The following CACNA2D3 variants were observed in gnomAD, a reference collection of about 807,000 sequenced individuals.
CACNA2D3 encodes calcium voltage-gated channel auxiliary subunit alpha2delta 3.
In CACNA2D3, 60 loss-of-function variants were observed where a neutral mutation model predicts 160.6. The observed-to-expected ratio is 0.37, with a 90% CI of 0.30 to 0.46. The LOEUF is 0.46. CACNA2D3 is among the 20% of genes least tolerant of loss of function. The probability of loss-of-function intolerance (pLI) is 1.00; values close to 1 mark genes in which losing one functional copy is unlikely to be tolerated. For synonymous variants in CACNA2D3, 558 were observed against 492.9 expected, an observed-to-expected ratio of 1.13 and a Z score of -1.75; for missense variants, 1,205 against 1,365.0, an observed-to-expected ratio of 0.88 and a Z score of 1.85.
chr3:54,777,168 A>T (rs548066950), intron 13 of CACNA2D3, among the ~76,000 whole-genome samples: 2 of 152,328 alleles, frequency 1.3e-5, no homozygotes, highest in East Asian at 3.9e-4. Flanking sequence ...ACTCCAAAAG[A>T]ATCGATGTGC....
intron 9 of CACNA2D3, among the ~76,000 whole-genome samples, chr3:54,601,192 C>T (rs1348032919): frequency 6.6e-6 from 1 of 152,144 alleles, no homozygotes; most frequent in African/African-American, 2.4e-5. Flanking sequence ...ATCTTAAAGA[C>T]AACATTGTTT....
intron 11 of CACNA2D3, among the ~76,000 whole-genome samples, chr3:54,705,174 A>G (rs1004076233): frequency 1.3e-5 from 2 of 152,200 alleles, no homozygotes; most frequent in Non-Finnish European, 2.9e-5. Flanking sequence ...GGATTTAGCA[A>G]ATATTCACAT....
intron 10 of CACNA2D3, among the ~76,000 whole-genome samples, 179 bp from the exon 11 acceptor site, chr3:54,641,949 T>G (rs533879460): frequency 6.6e-6 from 1 of 152,230 alleles, no homozygotes; most frequent in Non-Finnish European, 1.5e-5. Context: ...AGATCCAATT[T>G]GTCAGAGCAA....
At chr3:54,978,857 G>A (rs1201105421) in intron 29 of CACNA2D3, among the ~76,000 whole-genome samples, 1 of 152,170 alleles carries the variant, frequency 6.6e-6, no homozygotes, top group Non-Finnish European at 1.5e-5. Flanking sequence ...CAACTGATGA[G>A]ACTAGAACTT....
chr3:54,367,319 T>C (rs1193667882), intron 3 of CACNA2D3, among the ~76,000 whole-genome samples: 3 of 152,216 alleles, frequency 2.0e-5, no homozygotes, highest in Admixed American at 6.5e-5. Context: ...CTCCTGTGAA[T>C]GGCAGTTCTG....
At chr3:55,009,523 C>A in intron 34 of CACNA2D3, 80 bp downstream of exon 34, 2 of 1,307,204 alleles carry the variant, frequency 1.5e-6, no homozygotes, top group Non-Finnish European at 2.2e-6. Flanking sequence ...CAGGGATGTG[C>A]TGGCTCACAG....
At chr3:54,655,009 G>A (rs1047340200) in intron 11 of CACNA2D3, among the ~76,000 whole-genome samples, 8 of 152,190 alleles carry the variant, frequency 5.3e-5, no homozygotes, top group African/African-American at 1.2e-4. Context: ...GAGCCCCAGC[G>A]CCAGTCCCAA....
At chr3:54,822,827 CTTTCTTTT>C (rs1703664399) in intron 14 of CACNA2D3, among the ~76,000 whole-genome samples, 1 of 87,584 alleles carries the variant, frequency 1.1e-5, no homozygotes, top group African/African-American at 5.8e-5. Context: ...TTCTTTCTTT[CTTTCTTTT>C]CTTTCTTTCT....
chr3:54,304,241 T>A (rs988694037), intron 2 of CACNA2D3, among the ~76,000 whole-genome samples: 2 of 152,162 alleles, frequency 1.3e-5, no homozygotes, highest in African/African-American at 4.8e-5. Context: ...TTGAGGCCTG[T>A]TGCTTCAAAT....
At chr3:54,599,403 G>T (rs1396389304) in intron 9 of CACNA2D3, among the ~76,000 whole-genome samples, 1 of 152,174 alleles carries the variant, frequency 6.6e-6, no homozygotes, top group Non-Finnish European at 1.5e-5. Flanking sequence ...TGTGAATACA[G>T]CCTGACAACT....
chr3:54,536,698 A>G (rs1265974848), intron 5 of CACNA2D3, among the ~76,000 whole-genome samples: 1 of 152,228 alleles, frequency 6.6e-6, no homozygotes, highest in African/African-American at 2.4e-5. Flanking sequence ...AGAGAATGCC[A>G]TGTGCTGGGG....
At chr3:54,401,737 TAGAAG>T (rs1238045234) in intron 4 of CACNA2D3, among the ~76,000 whole-genome samples, 1 of 152,184 alleles carries the variant, frequency 6.6e-6, no homozygotes, top group Non-Finnish European at 1.5e-5. Flanking sequence ...AAACCCGTCT[TAGAAG>T]AAATACTTAA....
intron 35 of CACNA2D3, among the ~76,000 whole-genome samples, chr3:55,068,808 G>T (rs1363267572): frequency 2.0e-5 from 3 of 152,020 alleles, no homozygotes; most frequent in Non-Finnish European, 4.4e-5. Flanking sequence ...AGTGAACGTT[G>T]CTACCAAGAG....
At chr3:54,816,938 T>C in intron 14 of CACNA2D3, 68 bp downstream of exon 14, 1 of 1,550,556 alleles carries the variant, frequency 6.4e-7, no homozygotes, top group Non-Finnish European at 8.8e-7. Context: ...TCCATGGTGT[T>C]GTACATTTGA....
At chr3:54,897,400 A>G (rs1700216541) in intron 26 of CACNA2D3, among the ~76,000 whole-genome samples, 1 of 152,236 alleles carries the variant, frequency 6.6e-6, no homozygotes, top group Non-Finnish European at 1.5e-5. Context: ...ATATGATAGT[A>G]TAAAAAATTA....
intron 35 of CACNA2D3, among the ~76,000 whole-genome samples, chr3:55,025,403 A>G (rs1286843513): frequency 1.3e-5 from 2 of 151,966 alleles, no homozygotes; most frequent in Non-Finnish European, 2.9e-5. Context: ...AGGCTGAGGC[A>G]GGCGTATCAC....
chr3:54,281,596 C>T (rs554251969), intron 2 of CACNA2D3, among the ~76,000 whole-genome samples: 7 of 152,248 alleles, frequency 4.6e-5, no homozygotes, highest in East Asian at 3.9e-4. Flanking sequence ...ACCATGGTCA[C>T]GTGGAACACC....
At chr3:54,806,341 C>A (rs1460653990) in intron 13 of CACNA2D3, among the ~76,000 whole-genome samples, 3 of 152,114 alleles carry the variant, frequency 2.0e-5, no homozygotes, top group African/African-American at 7.2e-5. Flanking sequence ...AGCTGATAAG[C>A]AACTTCAGCA....
chr3:55,018,450 A>G (rs113337411), intron 35 of CACNA2D3, 133 bp downstream of exon 35: 5 of 619,530 alleles, frequency 8.1e-6, no homozygotes, highest in Non-Finnish European at 1.5e-5. Context: ...GTAAGGAAGT[A>G]TTTCTATCAG....
Sources: gnomAD v4.1 joint callset for allele counts (sites outside exome capture counted in the v4.1 genomes callset) on GRCh38, gnomAD v4.1.1 for gene constraint, MANE v1.5 for transcripts, NCBI Gene and HGNC (gene_info 2026-07-23, HGNC 2026-07-21) for gene names.